GNG7: variants seen among roughly 807,000 people sequenced by gnomAD.
GNG7 encodes G protein subunit gamma 7, also known as guanine nucleotide-binding protein G(I)/G(S)/G(O) subunit gamma-7.
GNG7 carries 1 observed loss-of-function variant against 4.0 expected under a neutral mutation model. The observed-to-expected ratio is 0.25, with a 90% CI of 0.09 to 1.18. GNG7 has a LOEUF of 1.18. GNG7 is among the 50% of genes most tolerant of loss of function. GNG7 has a pLI of 0.50. For synonymous variants in GNG7, 34 were observed against 36.9 expected (o/e 0.92, Z 0.29); for missense variants, 86 against 91.9 (o/e 0.94, Z 0.26).
At position 2,618,595 on chromosome 19, in the gene GNG7, C is replaced by T. The variant is rs986304054; in HGVS notation, c.-78+27629G>A. ...AACTCCTGACCTCAAATGATCCACC[C>T]GCCTCGGCCTCCCAAAGTGCTGGGA... On this transcript the variant is annotated intron_variant, in intron 2 of 4. Coordinates refer to ENST00000382159, the MANE Select transcript of GNG7 (RefSeq NM_052847.3). The surrounding 1 kb of genome is among the most constrained non-coding windows in gnomAD (Gnocchi z 5.1). Among the ~76,000 whole-genome samples, 1 of 151,994 alleles carries T rather than the reference C, an allele frequency of 6.6e-6. No individual in the cohort carries two copies.
rs755778733 is a variant in GNG7 at position 2,617,122 on chromosome 19, G to T, written c.-78+29102C>A. 7.9e-5 allele frequency among the ~76,000 whole-genome samples: 12 copies of T among 152,180 alleles called. No individual in the cohort carries two copies. The highest frequency in any genetic ancestry group is 1.3e-4 in the Non-Finnish European group (9 of 68,022). On this transcript the variant is annotated intron_variant, in intron 2 of 4. Transcript: ENST00000382159. The surrounding 1 kb of genome is among the most constrained non-coding windows in gnomAD (Gnocchi z 4.7). ...CCAAAGTCTCTGACGTTCAGGGCTGGATCATTCTCTGGGATGGGGCCATCC... is the reference window on the plus strand; with the variant it reads ...CCAAAGTCTCTGACGTTCAGGGCTGTATCATTCTCTGGGATGGGGCCATCC...
chr19:2,522,036 A>C (rs2144729274), intron 3 of GNG7, among the ~76,000 whole-genome samples: 1 of 152,214 alleles, frequency 6.6e-6, no homozygotes, highest in East Asian at 1.9e-4. Flanking sequence ...AGTCCGTGGA[A>C]TCCCCAGATC....
In GNG7 at chr19:2,702,685, A is replaced by C. The variant is rs1913439150; in HGVS notation, c.-174T>G. Reference sequence around the variant, plus strand: ...CGCGGCCGCCTCAGCCCCGCCGCGCAGCCGAACCCTCCGCCCCGGCCCGCG... The same window carrying C: ...CGCGGCCGCCTCAGCCCCGCCGCGCCGCCGAACCCTCCGCCCCGGCCCGCG... On this transcript the variant is annotated 5_prime_UTR_variant, in exon 1 of 5. Coordinates refer to ENST00000382159, the MANE Select transcript of GNG7 (RefSeq NM_052847.3). 6.6e-6 allele frequency: 1 copy of C among 150,968 alleles called. No homozygotes were observed. Among genetic ancestry groups the C allele is most frequent in the Non-Finnish European group, 1.5e-5 (1 of 67,646 alleles). The allele number at this position is 150,968 out of a possible 1,614,324, so 9.4% of individuals were successfully genotyped here.
At chr19:2,591,463 T>G (rs866712962) in intron 2 of GNG7, among the ~76,000 whole-genome samples, 8 of 151,184 alleles carry the variant, frequency 5.3e-5, no homozygotes, top group East Asian at 1.9e-4. Context: ...GTTTTTTTTT[T>G]TTTTTTTTTT....
intron 1 of GNG7, among the ~76,000 whole-genome samples, chr19:2,696,353 A>AAGAAAAG (rs1913262036): frequency 6.8e-6 from 1 of 147,982 alleles, no homozygotes; most frequent in African/African-American, 2.6e-5. Flanking sequence ...AAAGAAAAGA[A>AAGAAAAG]AGAAAAGAAA....
intron 1 of GNG7, among the ~76,000 whole-genome samples, chr19:2,660,974 G>A (rs1983128764): frequency 1.3e-5 from 2 of 152,074 alleles, no homozygotes; most frequent in African/African-American, 4.8e-5. Context: ...TACTCTGGGA[G>A]GCCGAGGCGG....
At chr19:2,648,781 C>T (rs557913198) in intron 1 of GNG7, among the ~76,000 whole-genome samples, 15 of 152,134 alleles carry the variant, frequency 9.9e-5, no homozygotes, top group South Asian at 4.2e-4. Context: ...AGGGCTGGAG[C>T]GGCATGCCCA....
chr19:2,700,139 T>C (rs1913364901), intron 1 of GNG7, among the ~76,000 whole-genome samples: 1 of 151,678 alleles, frequency 6.6e-6, no homozygotes, highest in Non-Finnish European at 1.5e-5. Flanking sequence ...AGTCCTTTTT[T>C]TTTTTTTCCT....
intron 2 of GNG7, among the ~76,000 whole-genome samples, chr19:2,564,534 A>G (rs1242398187): frequency 6.6e-6 from 1 of 152,180 alleles, no homozygotes; most frequent in African/African-American, 2.4e-5. Context: ...AGATGGTGCC[A>G]CCGCACTCCA....
chr19:2,603,214 G>A (rs976032956), intron 2 of GNG7, among the ~76,000 whole-genome samples: 9 of 151,886 alleles, frequency 5.9e-5, no homozygotes, highest in Admixed American at 3.9e-4. Flanking sequence ...TTACAGGTGC[G>A]CACCACCATG....
chr19:2,700,535 TCTC>T, intron 1 of GNG7, among the ~76,000 whole-genome samples: 1 of 151,986 alleles, frequency 6.6e-6, no homozygotes, highest in South Asian at 2.1e-4. Context: ...CTTCCTTTCC[TCTC>T]CTCTGTGACA....
chr19:2,586,451 G>T (rs1017768181), intron 2 of GNG7, among the ~76,000 whole-genome samples: 2 of 152,198 alleles, frequency 1.3e-5, no homozygotes, highest in African/African-American at 4.8e-5. Context: ...GGCTTGGGGG[G>T]CTGGGAGCCA....
At chr19:2,649,261 T>C (rs924871938) in intron 1 of GNG7, among the ~76,000 whole-genome samples, 1 of 151,874 alleles carries the variant, frequency 6.6e-6, no homozygotes, top group Non-Finnish European at 1.5e-5. Context: ...CTGAATGAAT[T>C]TGAAGTGGTC....
At chr19:2,661,506 T>A (rs1260069848) in intron 1 of GNG7, among the ~76,000 whole-genome samples, 1 of 150,470 alleles carries the variant, frequency 6.6e-6, no homozygotes, top group East Asian at 2.0e-4. Context: ...TAAAAAAAAA[T>A]ATAAAAATTA....
At chr19:2,639,268 G>T (rs147243497) in intron 2 of GNG7, among the ~76,000 whole-genome samples, 1 of 151,746 alleles carries the variant, frequency 6.6e-6, no homozygotes, top group Non-Finnish European at 1.5e-5. Flanking sequence ...AAAACCCACC[G>T]TAAGCAAAGT....
intron 1 of GNG7, among the ~76,000 whole-genome samples, chr19:2,697,606 G>T (rs1194144659): frequency 6.6e-6 from 1 of 152,238 alleles, no homozygotes; most frequent in African/African-American, 2.4e-5. Context: ...ATGTCAACGA[G>T]CGGGGAGAGG....
chr19:2,613,164 C>T (rs961834339), intron 2 of GNG7, among the ~76,000 whole-genome samples: 5 of 151,412 alleles, frequency 3.3e-5, no homozygotes, highest in East Asian at 3.8e-4. Context: ...AAGTTTAACC[C>T]GGCTGGTGGC....
intron 2 of GNG7, among the ~76,000 whole-genome samples, chr19:2,568,317 A>ACACG (rs1568246911): frequency 1.3e-5 from 2 of 151,810 alleles, no homozygotes; most frequent in African/African-American, 4.9e-5. Flanking sequence ...ATACACACGC[A>ACACG]CACACACATA....
chr19:2,680,022 A>G (rs1020074532), intron 1 of GNG7, among the ~76,000 whole-genome samples: 2 of 152,146 alleles, frequency 1.3e-5, no homozygotes, highest in Non-Finnish European at 2.9e-5. Flanking sequence ...CTTACAGTCT[A>G]AGACTGTCAG....
Sources: allele counts gnomAD v4.1 joint callset (sites outside exome capture counted in the v4.1 genomes callset), GRCh38; gene constraint gnomAD v4.1.1; non-coding constraint Gnocchi (gnomAD v3.1); transcripts MANE v1.5; gene names NCBI Gene and HGNC (gene_info 2026-07-23, HGNC 2026-07-21).